PLXNA4: variants seen among roughly 807,000 people sequenced by gnomAD.
PLXNA4 encodes the protein plexin-A4.
A neutral mutation model predicts 191.8 loss-of-function variants in PLXNA4; 44 were observed. That is an observed-to-expected ratio of 0.23 (90% CI 0.18 to 0.29). The LOEUF is 0.29. PLXNA4 is among the 10% of genes least tolerant of loss of function. PLXNA4 has a pLI of 1.00. For synonymous variants in PLXNA4, 1,082 were observed against 1,009.5 expected (o/e 1.07, Z -1.36); for missense variants, 1,800 against 2,488.8 (o/e 0.72, Z 5.89).
intron 2 of PLXNA4, among the ~76,000 whole-genome samples, chr7:132,498,004 G>A (rs920971953): frequency 1.3e-5 from 2 of 152,138 alleles, no homozygotes; most frequent in Admixed American, 1.3e-4. Flanking sequence ...GTGTATTGGG[G>A]TTGGAAAAAC....
intron 2 of PLXNA4, among the ~76,000 whole-genome samples, chr7:132,492,578 C>T (rs1192889294): frequency 6.6e-6 from 1 of 152,174 alleles, no homozygotes; most frequent in Admixed American, 6.5e-5. Flanking sequence ...GACCAAGCAC[C>T]GTCCAGGTCT....
intron 9 of PLXNA4, among the ~76,000 whole-genome samples, chr7:132,215,281 C>T (rs1320452367): frequency 6.6e-6 from 1 of 152,210 alleles, no homozygotes; most frequent in African/African-American, 2.4e-5. Context: ...GTTGCATGCT[C>T]CATGTGCTAT....
chr7:132,410,859 C>G (rs1229573564), intron 3 of PLXNA4, among the ~76,000 whole-genome samples: 1 of 152,192 alleles, frequency 6.6e-6, no homozygotes, highest in African/African-American at 2.4e-5. Context: ...CCACAGCAGG[C>G]TAGCATCCAT....
intron 3 of PLXNA4, among the ~76,000 whole-genome samples, chr7:132,474,214 T>TCTCACACACACACACA (rs1175360961): frequency 7.1e-6 from 1 of 140,192 alleles, no homozygotes; most frequent in African/African-American, 2.7e-5. Flanking sequence ...TCTCTCTGTC[T>TCTCACACACACACACA]CACACACACA....
intron 1 of PLXNA4, among the ~76,000 whole-genome samples, chr7:132,529,948 C>A (rs1799562800): frequency 6.6e-6 from 1 of 152,144 alleles, no homozygotes; most frequent in South Asian, 2.1e-4. Context: ...GGATGAGAAC[C>A]ACTGATAGGC....
intron 30 of PLXNA4, among the ~76,000 whole-genome samples, chr7:132,138,311 C>T (rs77426917): frequency 0.022 from 3,281 of 152,228 alleles, 48 homozygotes; most frequent in Non-Finnish European, 0.035. Flanking sequence ...TCAGAAGTGA[C>T]CAAGCCGTGG....
In PLXNA4 at chr7:132,126,952, A is replaced by T. The variant is rs1195137266; in HGVS notation, c.*3527T>A. The T allele has an allele frequency of 6.6e-6, 1 of 152,226 alleles. No homozygotes were observed. The highest frequency in any genetic ancestry group is 1.5e-5 in the Non-Finnish European group (1 of 68,042). The allele number at this position is 152,226 out of a possible 1,614,324, so 9.4% of individuals were successfully genotyped here. On this transcript the variant is annotated 3_prime_UTR_variant, in exon 32 of 32. Transcript: ENST00000321063. The stretch of plus-strand genomic sequence containing the variant: ...ACCTTCACTTAGTGGCACTATTTGC[A>T]GCTACCAAGAAATGTCAGGGTCTCT...
At chr7:132,367,018 G>A (rs1364779535) in intron 3 of PLXNA4, among the ~76,000 whole-genome samples, 1 of 152,140 alleles carries the variant, frequency 6.6e-6, no homozygotes, top group Non-Finnish European at 1.5e-5. Context: ...TGATCCTCCA[G>A]CCTCAGTCTC....
At chr7:132,361,322 G>A (rs1729644055) in intron 3 of PLXNA4, among the ~76,000 whole-genome samples, 1 of 152,186 alleles carries the variant, frequency 6.6e-6, no homozygotes, top group African/African-American at 2.4e-5. Flanking sequence ...TTGGAGAACA[G>A]AGCCAACACG....
chr7:132,465,600 G>A (rs1489732890), intron 3 of PLXNA4, among the ~76,000 whole-genome samples: 1 of 152,108 alleles, frequency 6.6e-6, no homozygotes, highest in Non-Finnish European at 1.5e-5. Context: ...CTGGGCATGT[G>A]GCTACCACAC....
intron 3 of PLXNA4, among the ~76,000 whole-genome samples, chr7:132,393,089 T>C (rs1432686335): frequency 6.7e-6 from 1 of 150,334 alleles, no homozygotes; most frequent in East Asian, 2.0e-4. Flanking sequence ...CTCCTCCGAA[T>C]TTTCTCATGC....
At chr7:132,529,855 T>C (rs1799558532) in intron 1 of PLXNA4, among the ~76,000 whole-genome samples, 1 of 152,164 alleles carries the variant, frequency 6.6e-6, no homozygotes, top group Non-Finnish European at 1.5e-5. Flanking sequence ...TCCGCCTGCC[T>C]CGGCCTCCCA....
chr7:132,267,710 T>TA (rs1799908961), intron 4 of PLXNA4, among the ~76,000 whole-genome samples: 1 of 152,214 alleles, frequency 6.6e-6, no homozygotes, highest in Non-Finnish European at 1.5e-5. Context: ...AATGGTTTCT[T>TA]ACATGTATTC....
In PLXNA4 at chr7:132,382,442, T is replaced by C. The variant is rs527731900; in HGVS notation, c.1372-84220A>G. 3.9e-5 allele frequency among the ~76,000 whole-genome samples: 6 copies of C among 152,244 alleles called. No individual in the cohort carries two copies. The East Asian group carries it at 9.7e-4, about 25-fold the overall frequency. On this transcript the variant is annotated intron_variant, in intron 3 of 31. Transcript: ENST00000321063. The stretch of plus-strand genomic sequence containing the variant: ...AGTTTCTGCCATGGTAAAATGAGGA[T>C]GGCTGTTCAAGCTCGCCCGGAGGGA...
chr7:132,279,430 A>G (rs1800396944), intron 4 of PLXNA4, among the ~76,000 whole-genome samples: 2 of 152,082 alleles, frequency 1.3e-5, no homozygotes, highest in Admixed American at 6.5e-5. Context: ...GGAGTTTGAG[A>G]CCAGCCTGGG....
chr7:132,635,170 T>TTATTTATATATATATATATATA (rs1470708373), intron 2 of PLXNA4, among the ~76,000 whole-genome samples: 41 of 131,814 alleles, frequency 3.1e-4, no homozygotes, highest in Non-Finnish European at 4.3e-4. Flanking sequence ...AAACTCCCCT[T>TTATTTATATATATATATATATA]TATATATATA....
chr7:132,159,859 G>A (rs533931644), intron 24 of PLXNA4, among the ~76,000 whole-genome samples: 4 of 152,270 alleles, frequency 2.6e-5, no homozygotes, highest in African/African-American at 7.2e-5. Flanking sequence ...GAGGGAGTGC[G>A]AGCTGCACAC....
At chr7:132,554,619 G>A (rs544976519) in intron 1 of PLXNA4, among the ~76,000 whole-genome samples, 5 of 152,294 alleles carry the variant, frequency 3.3e-5, no homozygotes, top group South Asian at 2.1e-4. Flanking sequence ...AATCGAGCAC[G>A]CTCTGAACCA....
intron 2 of PLXNA4, among the ~76,000 whole-genome samples, chr7:132,606,766 A>G (rs796295867): frequency 3.3e-5 from 5 of 152,328 alleles, no homozygotes; most frequent in African/African-American, 1.2e-4. Context: ...CCTGAGAAAA[A>G]TTAGGGAGGA....
Sources: gnomAD v4.1 joint callset for allele counts (sites outside exome capture counted in the v4.1 genomes callset) on GRCh38, gnomAD v4.1.1 for gene constraint, MANE v1.5 for transcripts, NCBI Gene and HGNC (gene_info 2026-07-23, HGNC 2026-07-21) for gene names.